ALG1: variants seen among roughly 807,000 people sequenced by gnomAD.
The protein encoded by ALG1 is ALG1 chitobiosyldiphosphodolichol beta-mannosyltransferase, also known as chitobiosyldiphosphodolichol beta-mannosyltransferase.
In ALG1, 58 loss-of-function variants were observed where a neutral mutation model predicts 55.1. The ratio of observed to expected loss-of-function variants is 1.05; its 90% CI spans 0.85 to 1.31. The LOEUF (loss-of-function observed/expected upper bound fraction) is 1.31. Ranked by LOEUF, ALG1 falls within the 50% of genes most tolerant of loss-of-function variation. The probability of loss-of-function intolerance (pLI) is 0.00; values close to 1 mark genes in which losing one functional copy is unlikely to be tolerated. For synonymous variants in ALG1, 309 were observed against 247.0 expected, an observed-to-expected ratio of 1.25 and a Z score of -2.35; for missense variants, 761 against 598.6, an observed-to-expected ratio of 1.27 and a Z score of -2.83.
Position 5,077,428 on chromosome 16 carries a change from C to G in ALG1, c.540-17C>G. 2 of 1,611,094 alleles carry G rather than the reference C, an allele frequency of 1.2e-6. No homozygotes were observed. The highest frequency in any genetic ancestry group is 1.7e-6 in the Non-Finnish European group (2 of 1,177,280). On this transcript the variant is annotated splice_polypyrimidine_tract_variant and intron_variant, in intron 4 of 12. Transcript: ENST00000262374. ...GGCCTGTCTAGGGCTCTGCTGACTG[C>G]TGATCTCTCTTTTCAGGTACGAGAA...
Position 5,072,176 on chromosome 16 carries a change from C to G in ALG1, c.208+119C>G, listed in dbSNP as rs868244629. On this transcript the variant is annotated intron_variant, in intron 1 of 12. Transcript: ENST00000262374. ...TAGTCGCCGCCTTTGGGCAGCTCTC[C>G]GAGATTAGACGAGCGGTTCTGCCCC... 4 of 1,475,470 alleles carry G rather than the reference C, an allele frequency of 2.7e-6. No individual in the cohort carries two copies. In the African/African-American group the frequency reaches 5.3e-5, roughly 20 times the overall value. The allele number at this position is 1,475,470 out of a possible 1,614,324, so 91.4% of individuals were successfully genotyped here.
intron 3 of ALG1, among the ~76,000 whole-genome samples, chr16:5,075,047 G>A (rs1956883972): frequency 6.6e-6 from 1 of 152,132 alleles, no homozygotes; most frequent in Admixed American, 6.5e-5. Context: ...GGGGCTGCAG[G>A]TGTGTCCCAC....
intron 1 of ALG1, among the ~76,000 whole-genome samples, chr16:5,072,591 C>T (rs1771162044): frequency 6.6e-6 from 1 of 152,298 alleles, no homozygotes; most frequent in Non-Finnish European, 1.5e-5. Context: ...TGCCTTTAAT[C>T]CCTGTTTAGA....
In ALG1 at chr16:5,075,496, G is replaced by A. The variant is rs371603640; in HGVS notation, c.499G>A (p.Val167Met). 1.9e-6 allele frequency: 3 copies of A among 1,614,176 alleles called. No individual in the cohort carries two copies. Among genetic ancestry groups the A allele is most frequent in the Non-Finnish European group, 2.5e-6 (3 of 1,180,038 alleles). ...HNYGYSIMGL[V>M]HGPNHPLVLL... ...CTATGGCTACTCCATCATGGGTCTG[G>A]TGCATGGCCCCAACCATCCCCTCGT... The change falls in exon 4 of 13, where the codon GTG (valine) becomes ATG (methionine). Residue 167 changes from valine (V) to methionine (M), a missense_variant. Transcript: ENST00000262374.
chr16:5,072,241 A>G lies in ALG1; in HGVS notation c.208+184A>G, dbSNP rs990379583. ...GGGTCTCTAGGTATAGCCGGCGTTA[A>G]TCTTGCCACGTGTCAGAAGTGTGTT... On this transcript the variant is annotated intron_variant, in intron 1 of 12. Coordinates refer to ENST00000262374, the MANE Select transcript of ALG1 (RefSeq NM_019109.5). 8.7e-6 allele frequency: 13 copies of G among 1,502,804 alleles called. No homozygotes were observed. The African/African-American group carries it at 1.5e-4, about 18-fold the overall frequency. The allele number at this position is 1,502,804 out of a possible 1,614,324, so 93.1% of individuals were successfully genotyped here.
At position 5,074,096 on chromosome 16, in the gene ALG1, CT is replaced by C. The variant is rs112196118; in HGVS notation, c.390+850del. ...TTCTTTTCTAGCTGAAGGAAGAATA[CT>C]TTTTTTTTTAAATCAATTTTTAATA... On this transcript the variant is annotated intron_variant, in intron 3 of 12. Coordinates refer to ENST00000262374, the MANE Select transcript of ALG1 (RefSeq NM_019109.5). 1.5e-3 allele frequency among the ~76,000 whole-genome samples: 222 copies of C among 150,592 alleles called. 1 individual carries two copies. The highest frequency in any genetic ancestry group is 4.2e-3 in the African/African-American group (173 of 41,006).
intron 1 of ALG1, among the ~76,000 whole-genome samples, chr16:5,072,599 A>C (rs545599628): frequency 6.6e-6 from 1 of 152,300 alleles, no homozygotes; most frequent in East Asian, 1.9e-4. Context: ...ATCCCTGTTT[A>C]GAATCTGCTA....
At chr16:5,084,707 G>T in intron 12 of ALG1, 43 bp from the exon 13 acceptor site, 1 of 1,596,314 alleles carries the variant, frequency 6.3e-7, no homozygotes. Flanking sequence ...GGATGGGGTG[G>T]GGACAGGCAA....
chr16:5,082,994 T>A (rs930395180), intron 11 of ALG1, among the ~76,000 whole-genome samples: 1 of 152,234 alleles, frequency 6.6e-6, no homozygotes, highest in Non-Finnish European at 1.5e-5. Flanking sequence ...CACTCGGGGC[T>A]TTTGCTCCTA....
chr16:5,081,160 C>A (rs1957012894), intron 10 of ALG1, 104 bp downstream of exon 10: 2 of 1,304,672 alleles, frequency 1.5e-6, no homozygotes, highest in Admixed American at 2.1e-5. Context: ...GGGACGGGAC[C>A]TGGGCTCTGG....
rs1956892024 is a variant in ALG1 at position 5,075,397 on chromosome 16, G to C, written c.400G>C (p.Gly134Arg). The change falls in exon 4 of 13, where the codon GGT becomes CGT. Residue 134 changes from glycine (G) to arginine (R), a missense_variant. Coordinates refer to ENST00000262374, the MANE Select transcript of ALG1 (RefSeq NM_019109.5). ...GAYIFLQNPP[G>R]LPSIAVCWFV... Reference sequence around the variant, plus strand: ...TCTCTATCTTTCCTAGAACCCCCCAGGTCTGCCTAGCATTGCTGTCTGCTG... The same window carrying C: ...TCTCTATCTTTCCTAGAACCCCCCACGTCTGCCTAGCATTGCTGTCTGCTG... 1 of 1,614,006 alleles carries C rather than the reference G, an allele frequency of 6.2e-7. No individual in the cohort carries two copies.
chr16:5,077,643 A>G, intron 5 of ALG1, 109 bp downstream of exon 5: 1 of 1,210,752 alleles, frequency 8.3e-7, no homozygotes, highest in Non-Finnish European at 1.2e-6. Flanking sequence ...AATTTGAAAT[A>G]CTGAGGGCCT....
intron 5 of ALG1, 97 bp downstream of exon 5, chr16:5,077,631 G>T (rs1390703042): frequency 3.8e-6 from 5 of 1,318,340 alleles, no homozygotes; most frequent in East Asian, 4.6e-5. Context: ...CTGCTGAGGG[G>T]CAATTTGAAA....
rs1238606278 is a variant in ALG1 at position 5,085,717 on chromosome 16, C to T, written c.*836C>T. On this transcript the variant is annotated 3_prime_UTR_variant, in exon 13 of 13. Transcript: ENST00000262374. Reference sequence around the variant, plus strand: ...CTCATGACGAGGTTCCACTTCCCATCTGATCCCGGCCCGGCCTGGAAACAG... The same window carrying T: ...CTCATGACGAGGTTCCACTTCCCATTTGATCCCGGCCCGGCCTGGAAACAG... 9 of 1,611,690 alleles carry T rather than the reference C, an allele frequency of 5.6e-6. No individual in the cohort carries two copies. The highest frequency in any genetic ancestry group is 7.6e-6 in the Non-Finnish European group (9 of 1,179,630).
rs900320468 is a variant in ALG1 at position 5,077,634 on chromosome 16, A to C, written c.629+100A>C. 5 of 1,275,430 alleles carry C rather than the reference A, an allele frequency of 3.9e-6. No individual in the cohort carries two copies. In the East Asian group the frequency reaches 9.3e-5, roughly 24 times the overall value. 79.0% of individuals were successfully genotyped at this position (1,275,430 alleles called of 1,614,324 possible). A position where few individuals can be genotyped will look rare whatever the true frequency, so the allele number is the denominator to read the frequency against. On this transcript the variant is annotated intron_variant, in intron 5 of 12. Transcript: ENST00000262374. The stretch of plus-strand genomic sequence containing the variant: ...CCTGCTGCCGTCCTGCTGAGGGGCA[A>C]TTTGAAATACTGAGGGCCTGGGAGG...
chr16:5,084,490 T>C (rs1053428509), intron 12 of ALG1: 3 of 609,052 alleles, frequency 4.9e-6, no homozygotes, highest in South Asian at 3.9e-5. Flanking sequence ...CACAGGGGAA[T>C]GGGCAGCACG....
At position 5,080,960 on chromosome 16, in the gene ALG1, A is replaced by C; in HGVS notation, c.976A>C (p.Arg326=). 1 of 1,596,282 alleles carries C rather than the reference A, an allele frequency of 6.3e-7. No individual in the cohort carries two copies. Among genetic ancestry groups the C allele is most frequent in the African/African-American group, 1.3e-5 (1 of 74,908 alleles). Residue 326 remains arginine, a synonymous_variant, in exon 10 of 13, where the codon AGG becomes CGG. Transcript: ENST00000262374. ...VCVITGKGPL[R]EYYSRLIHQK... Reference sequence around the variant, plus strand: ...TCTCTGTGAAGGCAAAGGGCCTCTGAGGGAGTATTATAGCCGCCTCATCCA... The same window carrying C: ...TCTCTGTGAAGGCAAAGGGCCTCTGCGGGAGTATTATAGCCGCCTCATCCA...
rs909063603 is a variant in ALG1, at chr16:5,071,896, C to G, written c.47C>G (p.Pro16Arg). 1.2e-6 allele frequency: 2 copies of G among 1,600,672 alleles called. No individual in the cohort carries two copies. The highest frequency in any genetic ancestry group is 1.3e-5 in the African/African-American group (1 of 74,668). The change falls in exon 1 of 13, where the codon CCG becomes CGG. Residue 16 changes from proline (P) to arginine (R), a missense_variant. Pro to Arg is a moderately radical substitution (Grantham distance 103). Coordinates refer to ENST00000262374, the MANE Select transcript of ALG1 (RefSeq NM_019109.5). ...CTGCTGGCGCTGTGTCTGCTGCTGC[C>G]GCTGCTGCTGCTGGGAGGATGGAAG... Reference protein sequence around the residue: ...LVLLALCLLLPLLLLGGWKRW... With the variant: ...LVLLALCLLLRLLLLGGWKRW...
chr16:5,075,336 A>G (rs371120272), intron 3 of ALG1, 52 bp from the exon 4 acceptor site: 43 of 1,589,386 alleles, frequency 2.7e-5, no homozygotes, highest in Non-Finnish European at 3.5e-5. Context: ...TACTGGGTTT[A>G]TTGCCTAGCA....
Sources: gnomAD v4.1 joint callset for allele counts (sites outside exome capture counted in the v4.1 genomes callset) on GRCh38, gnomAD v4.1.1 for gene constraint, MANE v1.5 for transcripts, NCBI Gene and HGNC (gene_info 2026-07-23, HGNC 2026-07-21) for gene names.